The following PHF1 variants were observed in gnomAD, a reference collection of about 807,000 sequenced individuals.
PHF1 encodes PHD finger protein 1, also known as polycomb-like 1.
PHF1 carries 16 observed loss-of-function variants against 69.4 expected under a neutral mutation model. The observed-to-expected ratio is 0.23, with a 90% CI of 0.16 to 0.35. The LOEUF (loss-of-function observed/expected upper bound fraction) is 0.35, where lower values mean the gene tolerates loss of function less well. Among genes scored for constraint, PHF1 ranks in the 10% least tolerant of loss-of-function variants. The pLI is 1.00. For synonymous variants in PHF1, 274 were observed against 275.0 expected (o/e 1.00, Z 0.04); for missense variants, 515 against 732.8 (o/e 0.70, Z 3.43).
intron 13 of PHF1, 40 bp from the exon 14 acceptor site, chr6:33,415,550 C>A (rs569701786): frequency 6.3e-7 from 1 of 1,597,136 alleles, no homozygotes; most frequent in Non-Finnish European, 8.6e-7. Context: ...AGGTCCTGTT[C>A]CCCTGCTTCA....
chr6:33,410,416 TCCACGGGAAGCGGCGCGCACGC>T (rs1775913929), upstream of PHF1: 1 of 151,416 alleles, frequency 6.6e-6, no homozygotes, highest in Non-Finnish European at 1.5e-5. Context: ...GGGCGGGACG[TCCACGGGAAGCGGCGCGCACGC>T]CCGCCGACTC....
chr6:33,411,875 G>A (rs1301784946), intron 1 of PHF1, among the ~76,000 whole-genome samples: 1 of 152,184 alleles, frequency 6.6e-6, no homozygotes, highest in Non-Finnish European at 1.5e-5. Context: ...AGAAAATGGG[G>A]AGGCTGGCCG....
chr6:33,415,301 C>G lies in PHF1; in HGVS notation c.1306C>G (p.Arg436Gly). The change falls in exon 13 of 15, where the codon CGG becomes GGG. Residue 436 changes from arginine to glycine, a missense_variant. Arg to Gly is a moderately radical substitution (Grantham distance 125, BLOSUM62 -2). Transcript: ENST00000374516. ...CCAGGGCAGCAGCGGCTACAACTTC[C>G]GGCCCACAGATGCCCGCTGCCTGCC... ...SYQGSSGYNF[R>G]PTDARCLPSS... is the part of the protein sequence containing the mutation. 6.2e-7 allele frequency: 1 copy of G among 1,613,626 alleles called. No homozygotes were observed. The highest frequency in any genetic ancestry group is 8.5e-7 in the Non-Finnish European group (1 of 1,179,868).
intron 5 of PHF1, 45 bp downstream of exon 5, chr6:33,413,341 C>T: frequency 6.2e-7 from 1 of 1,610,864 alleles, no homozygotes; most frequent in South Asian, 1.1e-5. Flanking sequence ...GCCTCCCATC[C>T]ACAGCCTCTC....
chr6:33,412,694 A>T lies in PHF1; in HGVS notation c.242-4A>T, dbSNP rs377652391. ...AGGCCCTGTGACACTGTGTTCTCTC[A>T]CAGCTGCCCTCCCTGGAGAGGAACT... On this transcript the variant is annotated splice_region_variant and splice_polypyrimidine_tract_variant and intron_variant, in intron 3 of 14. Transcript: ENST00000374516. This position sits in a 1 kb window ranked among gnomAD's most constrained non-coding sequence, Gnocchi z 4.2. The T allele has an allele frequency of 2.2e-5, 35 of 1,613,908 alleles. No individual in the cohort carries two copies. The African/African-American group carries it at 2.9e-4, about 14-fold the overall frequency.
chr6:33,416,327 C>A lies in PHF1; in HGVS notation c.*229C>A. On this transcript the variant is annotated 3_prime_UTR_variant, in exon 15 of 15. Coordinates refer to ENST00000374516, the MANE Select transcript of PHF1 (RefSeq NM_024165.3). ...CATTTCCTTTGATGTTATTTTGTTA[C>A]AGCTTTTTAAATATTTTTTAAAATT... 2.1e-6 allele frequency: 1 copy of A among 474,618 alleles called. No individual in the cohort carries two copies. Among genetic ancestry groups the A allele is most frequent in the Non-Finnish European group, 3.7e-6 (1 of 270,502 alleles). 29.4% of individuals were successfully genotyped at this position (474,618 alleles called of 1,614,324 possible).
Position 33,414,674 on chromosome 6 carries a change from G to A in PHF1, c.945-51G>A. The A allele has an allele frequency of 6.4e-7, 1 of 1,571,118 alleles. No individual in the cohort carries two copies. The highest frequency in any genetic ancestry group is 8.8e-7 in the Non-Finnish European group (1 of 1,142,790). ...AAAGGATTGAGGAATGGCGTAAGGA[G>A]GAACCGTTTTTTACAGCACTGACCC... On this transcript the variant is annotated intron_variant, in intron 10 of 14. Transcript: ENST00000374516. The surrounding 1 kb of genome is among the most constrained non-coding windows in gnomAD (Gnocchi z 5.0).
intron 1 of PHF1, among the ~76,000 whole-genome samples, chr6:33,411,617 A>G (rs1453841038): frequency 3.3e-5 from 5 of 151,972 alleles, no homozygotes; most frequent in Non-Finnish European, 7.4e-5. Flanking sequence ...TGCTTCTACA[A>G]CCATAATTTC....
chr6:33,413,185 T>C lies in PHF1; in HGVS notation c.338-11T>C, dbSNP rs1339137863. 1.9e-6 allele frequency: 3 copies of C among 1,610,602 alleles called. No individual in the cohort carries two copies. The highest frequency in any genetic ancestry group is 2.5e-6 in the Non-Finnish European group (3 of 1,176,882). ...AGGTATGCAATAAGTGGTCTACTAT[T>C]ATCACTGCAGCTTATCACCAGGACT... On this transcript the variant is annotated splice_polypyrimidine_tract_variant and intron_variant, in intron 4 of 14. Coordinates refer to ENST00000374516, the MANE Select transcript of PHF1 (RefSeq NM_024165.3).
In PHF1 at chr6:33,413,177, TCTA is replaced by T. The variant is rs912894777; in HGVS notation, c.338-15_338-13del. 1.3e-6 allele frequency: 2 copies of T among 1,599,110 alleles called. No individual in the cohort carries two copies. The highest frequency in any genetic ancestry group is 1.7e-6 in the Non-Finnish European group (2 of 1,166,798). On this transcript the variant is annotated splice_polypyrimidine_tract_variant and intron_variant, in intron 4 of 14. Coordinates refer to ENST00000374516, the MANE Select transcript of PHF1 (RefSeq NM_024165.3). ...GCACACACAGGTATGCAATAAGTGG[TCTA>T]CTATTATCACTGCAGCTTATCACCA...
chr6:33,415,199 A>G (rs1159918293), intron 12 of PHF1, 36 bp from the exon 13 acceptor site: 1 of 1,612,994 alleles, frequency 6.2e-7, no homozygotes, highest in African/African-American at 1.3e-5. Context: ...GGAAGGAGTC[A>G]AGGATTATCT....
Position 33,412,891 on chromosome 6 carries a change from G to A in PHF1, c.337+98G>A. The stretch of plus-strand genomic sequence containing the variant: ...GCCTTAGTCCCCAAGCCACTGCTCT[G>A]GCCAGGCTGCTTAGCCTTATCTTAG... On this transcript the variant is annotated intron_variant, in intron 4 of 14. Coordinates refer to ENST00000374516, the MANE Select transcript of PHF1 (RefSeq NM_024165.3). This position sits in a 1 kb window ranked among gnomAD's most constrained non-coding sequence, Gnocchi z 4.2. 1 of 1,032,940 alleles carries A rather than the reference G, an allele frequency of 9.7e-7. No individual in the cohort carries two copies. Among genetic ancestry groups the A allele is most frequent in the Non-Finnish European group, 1.5e-6 (1 of 664,292 alleles). The allele number at this position is 1,032,940 out of a possible 1,614,324, so 64.0% of individuals were successfully genotyped here. A position where few individuals can be genotyped will look rare whatever the true frequency, so the allele number is the denominator to read the frequency against.
At position 33,414,877 on chromosome 6, in the gene PHF1, G is replaced by C. The variant is rs1425592359; in HGVS notation, c.1049+48G>C. 6.3e-7 allele frequency: 1 copy of C among 1,578,444 alleles called. No individual in the cohort carries two copies. The highest frequency in any genetic ancestry group is 8.7e-7 in the Non-Finnish European group (1 of 1,155,968). The stretch of plus-strand genomic sequence containing the variant: ...GGGAAATTCTCAGGGTGTTAGTCCT[G>C]GGGGGTATATGTATAGAGATGGGGA... On this transcript the variant is annotated intron_variant, in intron 11 of 14. Coordinates refer to ENST00000374516, the MANE Select transcript of PHF1 (RefSeq NM_024165.3). The surrounding 1 kb of genome is among the most constrained non-coding windows in gnomAD (Gnocchi z 5.0).
Position 33,412,165 on chromosome 6 carries a change from A to AG in PHF1, c.-16-83_-16-82insG. 3 of 219,844 alleles carry AG rather than the reference A, an allele frequency of 1.4e-5. No homozygotes were observed. The highest frequency in any genetic ancestry group is 2.2e-5 in the Non-Finnish European group (3 of 139,148). 13.6% of individuals were successfully genotyped at this position (219,844 alleles called of 1,614,324 possible). ...CGACAGAGCAAAACTCCATCTCAGG[A>AG]AAAAAAAAAAAAAAAGAAAAAGAAA... is the stretch of plus-strand genomic sequence containing the variant. On this transcript the variant is annotated intron_variant, in intron 1 of 14. Transcript: ENST00000374516. This position sits in a 1 kb window ranked among gnomAD's most constrained non-coding sequence, Gnocchi z 4.2.
chr6:33,414,278 G>T lies in PHF1; in HGVS notation c.788G>T (p.Ser263Ile), dbSNP rs1411005426. Residue 263 changes from serine (S) to isoleucine (I), a missense_variant, in exon 9 of 15, where the codon AGT becomes ATT. By Grantham distance (142) the Ser-to-Ile change is moderately radical. Coordinates refer to ENST00000374516, the MANE Select transcript of PHF1 (RefSeq NM_024165.3). This position sits in a 1 kb window ranked among gnomAD's most constrained non-coding sequence, Gnocchi z 5.0. ...GCCCATCTTGTCCTGTATCACCTCA[G>T]TGTTTGCTGTAAGAAGAAATACTTT... The part of the protein sequence containing the change: ...DVAHLVLYHL[S>I]VCCKKKYFDF... 3 of 1,613,982 alleles carry T rather than the reference G, an allele frequency of 1.9e-6. No homozygotes were observed. In the African/African-American group the frequency reaches 4.0e-5, roughly 22 times the overall value.
At position 33,416,122 on chromosome 6, in the gene PHF1, C is replaced by T. The variant is rs763366781; in HGVS notation, c.*24C>T. 2.0e-6 allele frequency: 3 copies of T among 1,511,020 alleles called. No individual in the cohort carries two copies. Among genetic ancestry groups the T allele is most frequent in the Non-Finnish European group, 1.8e-6 (2 of 1,132,800 alleles). 93.6% of individuals were successfully genotyped at this position (1,511,020 alleles called of 1,614,324 possible). The stretch of plus-strand genomic sequence containing the variant: ...GAACAGCCTGCCTCTGCCCAGCTCC[C>T]CATTCACACACACCGGCACTTTCAT... On this transcript the variant is annotated 3_prime_UTR_variant, in exon 15 of 15. Coordinates refer to ENST00000374516, the MANE Select transcript of PHF1 (RefSeq NM_024165.3).
At position 33,416,221 on chromosome 6, in the gene PHF1, G is replaced by A. The variant is rs1422043856; in HGVS notation, c.*123G>A. 2 of 803,150 alleles carry A rather than the reference G, an allele frequency of 2.5e-6. No homozygotes were observed. The highest frequency in any genetic ancestry group is 3.5e-5 in the African/African-American group (2 of 57,898). 49.8% of individuals were successfully genotyped at this position (803,150 alleles called of 1,614,324 possible). ...GGGGGTAGTTCTCCCTACTGCCCAGGCTGGAATCCAAGAGTGGGGAGTGGG... is the reference window on the plus strand; with the variant it reads ...GGGGGTAGTTCTCCCTACTGCCCAGACTGGAATCCAAGAGTGGGGAGTGGG... On this transcript the variant is annotated 3_prime_UTR_variant, in exon 15 of 15. Transcript: ENST00000374516.
intron 1 of PHF1, among the ~76,000 whole-genome samples, chr6:33,411,945 G>A (rs1439628765): frequency 6.6e-6 from 1 of 152,202 alleles, no homozygotes; most frequent in African/African-American, 2.4e-5. Context: ...GGTGGATCAT[G>A]AGGTCAGGAG....
intron 14 of PHF1, 60 bp downstream of exon 14, chr6:33,415,730 C>T: frequency 6.2e-7 from 1 of 1,608,814 alleles, no homozygotes; most frequent in Non-Finnish European, 8.5e-7. Context: ...GCTCAAGGCT[C>T]TTAGTCTCTA....
Sources: gnomAD v4.1 joint callset for allele counts (sites outside exome capture counted in the v4.1 genomes callset) on GRCh38, gnomAD v4.1.1 for gene constraint, Gnocchi (gnomAD v3.1) non-coding constraint, MANE v1.5 for transcripts, NCBI Gene and HGNC (gene_info 2026-07-23, HGNC 2026-07-21) for gene names.